Variants in GREM2 observed in about 807,000 individuals in gnomAD.
The protein encoded by GREM2 is gremlin 2, DAN family BMP antagonist.
A neutral mutation model predicts 14.2 loss-of-function variants in GREM2; 11 were observed. The ratio of observed to expected loss-of-function variants is 0.78; its 90% CI spans 0.49 to 1.28. The LOEUF is 1.28. GREM2 is among the 50% of genes most tolerant of loss of function. The probability of loss-of-function intolerance (pLI) is 0.00; values close to 1 mark genes in which losing one functional copy is unlikely to be tolerated. For synonymous variants in GREM2, 98 were observed against 97.6 expected (o/e 1.00, Z -0.02); for missense variants, 210 against 218.5 (o/e 0.96, Z 0.24).
rs12738604 is a variant in GREM2 at position 240,542,578 on chromosome 1, G to A, written c.-1-49102C>T. ...TGCAGTGAGCCAAGATTGTGCCCCT[G>A]CACTCCAGCCTAGTGACAGAGCGAG... On this transcript the variant is annotated intron_variant, in intron 1 of 1. Coordinates refer to ENST00000318160, the MANE Select transcript of GREM2 (RefSeq NM_022469.4). The surrounding 1 kb of genome is among the most constrained non-coding windows in gnomAD (Gnocchi z 4.1). Among the ~76,000 whole-genome samples, 617 of 151,984 alleles carry A rather than the reference G, an allele frequency of 4.1e-3. 2 individuals are homozygous for A. The highest frequency in any genetic ancestry group is 5.8e-3 in the Admixed American group (88 of 15,252).
chr1:240,564,749 A>T (rs1679143166), intron 1 of GREM2, among the ~76,000 whole-genome samples: 1 of 152,182 alleles, frequency 6.6e-6, no homozygotes, highest in Admixed American at 6.5e-5. Flanking sequence ...ACTGCAATAG[A>T]TTAATATTGA....
In GREM2 at chr1:240,605,523, TA is replaced by T. The variant is rs942958130; in HGVS notation, c.-2+6360del. On this transcript the variant is annotated intron_variant, in intron 1 of 1. Transcript: ENST00000318160. ...ACAAACAAATAAAAAATCACCAAGG[TA>T]AAAAGTATCCTTATAGAGATTTTTT... Among the ~76,000 whole-genome samples the T allele has an allele frequency of 4.9e-4, 74 of 152,088 alleles. 1 individual carries two copies. Among genetic ancestry groups the T allele is most frequent in the African/African-American group, 1.7e-3 (70 of 41,496 alleles).
In GREM2 at chr1:240,554,119, G is replaced by A. The variant is rs1934340; in HGVS notation, c.-2+57765C>T. Among the ~76,000 whole-genome samples, 564 of 152,038 alleles carry A rather than the reference G, an allele frequency of 3.7e-3. 11 individuals are homozygous for A. The East Asian group carries it at 0.041, about 11-fold the overall frequency. Reference sequence around the variant, plus strand: ...TTATTATTTATTTATTAGTAAAGACGAGGTCTCTAGGCCAGTTGTGGTGGC... The same window carrying A: ...TTATTATTTATTTATTAGTAAAGACAAGGTCTCTAGGCCAGTTGTGGTGGC... On this transcript the variant is annotated intron_variant, in intron 1 of 1. Coordinates refer to ENST00000318160, the MANE Select transcript of GREM2 (RefSeq NM_022469.4).
chr1:240,546,351 A>C (rs1249075593), intron 1 of GREM2, among the ~76,000 whole-genome samples: 2 of 152,028 alleles, frequency 1.3e-5, no homozygotes, highest in African/African-American at 4.8e-5. Flanking sequence ...TAAAAAAAAA[A>C]AAAACAAAGA....
chr1:240,553,358 A>C (rs1001677894), intron 1 of GREM2, among the ~76,000 whole-genome samples: 10 of 152,234 alleles, frequency 6.6e-5, no homozygotes, highest in Non-Finnish European at 1.3e-4. Context: ...AGGGCAAATA[A>C]TACATGCAAT....
intron 1 of GREM2, among the ~76,000 whole-genome samples, chr1:240,603,306 G>T (rs1679964155): frequency 6.6e-6 from 1 of 152,116 alleles, no homozygotes; most frequent in Non-Finnish European, 1.5e-5. Context: ...TATACACTCA[G>T]GGACTCTTCC....
intron 1 of GREM2, among the ~76,000 whole-genome samples, chr1:240,512,538 GC>G (rs1553272945): frequency 2.9e-5 from 1 of 35,038 alleles, no homozygotes; most frequent in Admixed American, 2.2e-4. Context: ...GAACTTATAA[GC>G]AGAGGACTTT....
chr1:240,590,970 A>C (rs191755383), intron 1 of GREM2, among the ~76,000 whole-genome samples: 24 of 150,926 alleles, frequency 1.6e-4, no homozygotes, highest in East Asian at 8.0e-4. Context: ...TTAGTAGAGA[A>C]GGGGTTTCAC....
At chr1:240,572,990 A>G (rs1355091770) in intron 1 of GREM2, among the ~76,000 whole-genome samples, 1 of 152,174 alleles carries the variant, frequency 6.6e-6, no homozygotes, top group African/African-American at 2.4e-5. Flanking sequence ...TGGAATTAAA[A>G]CTATCAAAAT....
Position 240,542,161 on chromosome 1 carries a change from G to A in GREM2, c.-1-48685C>T, listed in dbSNP as rs538001532. 3.9e-5 allele frequency among the ~76,000 whole-genome samples: 6 copies of A among 151,998 alleles called. No individual in the cohort carries two copies. The highest frequency in any genetic ancestry group is 2.1e-4 in the South Asian group (1 of 4,802). On this transcript the variant is annotated intron_variant, in intron 1 of 1. Coordinates refer to ENST00000318160, the MANE Select transcript of GREM2 (RefSeq NM_022469.4). The surrounding 1 kb of genome is among the most constrained non-coding windows in gnomAD (Gnocchi z 4.1). ...TGCAATGCACAAGACAGTCCTCCACGACAAAACACCATCCTGTCCCTTGTC... is the reference window on the plus strand; with the variant it reads ...TGCAATGCACAAGACAGTCCTCCACAACAAAACACCATCCTGTCCCTTGTC...
intron 1 of GREM2, among the ~76,000 whole-genome samples, chr1:240,609,549 GACCCATTTAAGCC>G (rs1680092763): frequency 6.6e-6 from 1 of 152,042 alleles, no homozygotes; most frequent in Admixed American, 6.5e-5. Context: ...TGTCTTGTGT[GACCCATTTAAGCC>G]GAGTGCTGGG....
At chr1:240,494,882 CAG>C (rs764811543) in intron 1 of GREM2, among the ~76,000 whole-genome samples, 129 of 151,966 alleles carry the variant, frequency 8.5e-4, no homozygotes, top group Non-Finnish European at 1.6e-3. Context: ...GCCTGTGCGA[CAG>C]AGTGAGACTC....
intron 1 of GREM2, among the ~76,000 whole-genome samples, chr1:240,557,959 C>CA (rs1678980900): frequency 6.6e-6 from 1 of 151,956 alleles, no homozygotes; most frequent in African/African-American, 2.4e-5. Flanking sequence ...CTAGAGAAAA[C>CA]AAAACAAATG....
At chr1:240,557,459 A>C (rs941443544) in intron 1 of GREM2, among the ~76,000 whole-genome samples, 8 of 152,164 alleles carry the variant, frequency 5.3e-5, no homozygotes, top group Non-Finnish European at 1.0e-4. Context: ...CAAAGAACCA[A>C]GAATGAAAAC....
At chr1:240,555,131 G>A (rs1012656583) in intron 1 of GREM2, among the ~76,000 whole-genome samples, 3 of 149,178 alleles carry the variant, frequency 2.0e-5, no homozygotes, top group African/African-American at 7.5e-5. Context: ...GGCAACAAGA[G>A]AGAAACTCCA....
intron 1 of GREM2, among the ~76,000 whole-genome samples, chr1:240,592,373 A>G (rs1490416074): frequency 2.6e-5 from 4 of 152,206 alleles, no homozygotes; most frequent in Non-Finnish European, 5.9e-5. Context: ...ATTTGGGGAA[A>G]TAAATAATAG....
At chr1:240,505,873 G>A (rs1677665367) in intron 1 of GREM2, among the ~76,000 whole-genome samples, 1 of 152,014 alleles carries the variant, frequency 6.6e-6, no homozygotes, top group South Asian at 2.1e-4. Flanking sequence ...TTCCTTTAGG[G>A]AGTATTTCTA....
intron 1 of GREM2, among the ~76,000 whole-genome samples, chr1:240,541,425 C>G (rs1678584407): frequency 6.6e-6 from 1 of 152,224 alleles, no homozygotes; most frequent in South Asian, 2.1e-4. Context: ...CCAAATTCTC[C>G]AGTGCCTGCT....
chr1:240,515,365 C>A (rs952735748), intron 1 of GREM2, among the ~76,000 whole-genome samples: 7 of 152,168 alleles, frequency 4.6e-5, no homozygotes, highest in African/African-American at 1.7e-4. Flanking sequence ...AATGGACCTA[C>A]GAGTCCAACT....
Sources: gnomAD v4.1 joint callset for allele counts (sites outside exome capture counted in the v4.1 genomes callset) on GRCh38, gnomAD v4.1.1 for gene constraint, Gnocchi (gnomAD v3.1) non-coding constraint, MANE v1.5 for transcripts, NCBI Gene and HGNC (gene_info 2026-07-23, HGNC 2026-07-21) for gene names.